Variants in SLC4A5 observed in about 807,000 individuals in gnomAD.
SLC4A5 encodes solute carrier family 4 member 5.
In SLC4A5, 96 loss-of-function variants were observed where a neutral mutation model predicts 120.4. That is an observed-to-expected ratio of 0.80 (90% CI 0.68 to 0.94). SLC4A5 has a LOEUF of 0.94. Among genes scored for constraint, SLC4A5 ranks in the 40% least tolerant of loss-of-function variants. The pLI is 0.00. For missense variants in SLC4A5, 1,259 were observed against 1,459.5 expected (o/e 0.86, Z 2.24); for synonymous variants, 550 against 571.1 (o/e 0.96, Z 0.53).
intron 12 of SLC4A5, among the ~76,000 whole-genome samples, chr2:74,259,302 C>T (rs1671063205): frequency 6.6e-6 from 1 of 152,166 alleles, no homozygotes; most frequent in African/African-American, 2.4e-5. Flanking sequence ...TCTTCTCTCT[C>T]CAACAAATCC....
intron 5 of SLC4A5, among the ~76,000 whole-genome samples, chr2:74,325,650 G>C (rs1230381755): frequency 6.6e-6 from 1 of 152,148 alleles, no homozygotes; most frequent in Non-Finnish European, 1.5e-5. Context: ...TTGAATGTCA[G>C]GTATTTTGCT....
chr2:74,248,340 A>G lies in SLC4A5; in HGVS notation c.1787+13T>C. On this transcript the variant is annotated intron_variant, in intron 18 of 30. Transcript: ENST00000394019. The stretch of plus-strand genomic sequence containing the variant: ...GCGAGAGCAGGCACTGGGGGCCACC[A>G]AGGGACACCTACTTGCTGAAGTCGA... The G allele has an allele frequency of 1.9e-6, 3 of 1,613,620 alleles. No individual in the cohort carries two copies. Among genetic ancestry groups the G allele is most frequent in the Non-Finnish European group, 2.5e-6 (3 of 1,179,776 alleles).
At chr2:74,223,061 G>A (rs759736499) in intron 28 of SLC4A5, 109 bp from the exon 29 acceptor site, 1 of 657,512 alleles carries the variant, frequency 1.5e-6, no homozygotes, top group Non-Finnish European at 2.5e-6. Flanking sequence ...CTGGAGTGCA[G>A]TGGTGCGATC....
intron 8 of SLC4A5, among the ~76,000 whole-genome samples, chr2:74,265,971 TC>T (rs1671289099): frequency 2.0e-5 from 3 of 152,136 alleles, no homozygotes; most frequent in Admixed American, 2.0e-4. Context: ...GACACCTAGC[TC>T]CCCTTTGTAA....
intron 17 of SLC4A5, 94 bp from the exon 18 acceptor site, chr2:74,248,580 CCA>C (rs906514318): frequency 2.2e-5 from 32 of 1,445,798 alleles, no homozygotes; most frequent in Non-Finnish European, 2.8e-5. Flanking sequence ...CGGGCCCAGG[CCA>C]CAGTGTTTAT....
chr2:74,258,641 T>A (rs1453797748), intron 12 of SLC4A5, among the ~76,000 whole-genome samples: 1 of 152,226 alleles, frequency 6.6e-6, no homozygotes, highest in African/African-American at 2.4e-5. Flanking sequence ...GACTTTGGTG[T>A]GTTATTTAAC....
At chr2:74,278,688 T>C (rs912122201) in intron 8 of SLC4A5, among the ~76,000 whole-genome samples, 1 of 152,166 alleles carries the variant, frequency 6.6e-6, no homozygotes, top group Admixed American at 6.5e-5. Context: ...AGTGTTGGAC[T>C]AGCATAGAGA....
chr2:74,275,423 C>A (rs1279792782), intron 8 of SLC4A5, among the ~76,000 whole-genome samples: 1 of 152,212 alleles, frequency 6.6e-6, no homozygotes, highest in Non-Finnish European at 1.5e-5. Flanking sequence ...GTCTGTGTAT[C>A]CAGGAAGTCC....
chr2:74,319,669 TTCTC>T (rs139977580), intron 5 of SLC4A5, among the ~76,000 whole-genome samples: 3 of 151,506 alleles, frequency 2.0e-5, no homozygotes, highest in African/African-American at 7.3e-5. Context: ...CTCTCTCTTT[TTCTC>T]TCTCTCTCTC....
chr2:74,255,019 C>T lies in SLC4A5; in HGVS notation c.1026-313G>A, dbSNP rs1045870069. ...TATTTTCAGTAGATACAGGGTTTCA[C>T]CATGCTGCCCAGGCTGGTCTCCAAC... On this transcript the variant is annotated intron_variant, in intron 13 of 30. Coordinates refer to ENST00000394019, the Ensembl canonical transcript of SLC4A5. This position sits in a 1 kb window ranked among gnomAD's most constrained non-coding sequence, Gnocchi z 4.0. Among the ~76,000 whole-genome samples the T allele has an allele frequency of 6.6e-6, 1 of 152,022 alleles. No homozygotes were observed. The highest frequency in any genetic ancestry group is 2.1e-4 in the South Asian group (1 of 4,822).
chr2:74,270,620 C>CAG (rs1269626518), intron 8 of SLC4A5, among the ~76,000 whole-genome samples: 8 of 152,210 alleles, frequency 5.3e-5, no homozygotes, highest in Non-Finnish European at 7.3e-5. Flanking sequence ...TTGCAGTGAG[C>CAG]AGAGATCATG....
Position 74,286,750 on chromosome 2 carries a change from T to C in SLC4A5, c.272-848A>G, listed in dbSNP as rs541509042. 4.6e-5 allele frequency among the ~76,000 whole-genome samples: 7 copies of C among 152,154 alleles called. No individual in the cohort carries two copies. In the East Asian group the frequency reaches 1.4e-3, roughly 29 times the overall value. ...AGGGGAGCTACAGTAGATAGCATGG[T>C]CACAAAAGGACTCTCTGAGGAGGGG... On this transcript the variant is annotated intron_variant, in intron 7 of 30. Transcript: ENST00000394019.
chr2:74,312,748 C>A (rs1202835222), intron 6 of SLC4A5, among the ~76,000 whole-genome samples: 3 of 152,048 alleles, frequency 2.0e-5, no homozygotes, highest in Non-Finnish European at 2.9e-5. Context: ...GCTTGGCCAA[C>A]ATGGCGAAAT....
chr2:74,330,234 T>C (rs1673320767), intron 4 of SLC4A5, among the ~76,000 whole-genome samples: 1 of 151,270 alleles, frequency 6.6e-6, no homozygotes, highest in Admixed American at 6.6e-5. Flanking sequence ...TGGTGAGGTG[T>C]AGATGGTGAT....
At chr2:74,256,266 C>T (rs1272154372) in intron 12 of SLC4A5, among the ~76,000 whole-genome samples, 2 of 152,180 alleles carry the variant, frequency 1.3e-5, no homozygotes, top group Admixed American at 1.3e-4. Flanking sequence ...GCCTGGATGG[C>T]CTCCTTCAGG....
At chr2:74,321,346 G>A (rs1190365361) in intron 5 of SLC4A5, among the ~76,000 whole-genome samples, 2 of 152,146 alleles carry the variant, frequency 1.3e-5, no homozygotes, top group African/African-American at 4.8e-5. Flanking sequence ...TGAGGAAGGA[G>A]TCCCTTCCTA....
intron 16 of SLC4A5, chr2:74,250,896 G>A (rs987701674): frequency 5.4e-6 from 1 of 185,400 alleles, no homozygotes; most frequent in East Asian, 1.4e-4. Context: ...TCTAACTTTC[G>A]GTGACAGAAG....
rs752300345 is a variant in SLC4A5 at position 74,226,950 on chromosome 2, A to G, written c.3090+7T>C. 1.9e-6 allele frequency: 3 copies of G among 1,612,262 alleles called. No homozygotes were observed. The South Asian group carries it at 3.3e-5, about 18-fold the overall frequency. On this transcript the variant is annotated splice_region_variant and intron_variant, in intron 27 of 30. Coordinates refer to ENST00000394019, the Ensembl canonical transcript of SLC4A5. ...AGGCAGGAGGGGGAAGCCCGTGCCC[A>G]CTTTACCATGACCGGGAAGATGATG...
intron 27 of SLC4A5, among the ~76,000 whole-genome samples, chr2:74,225,626 GC>G (rs1222278560): frequency 6.6e-6 from 1 of 151,976 alleles, no homozygotes; most frequent in Non-Finnish European, 1.5e-5. Context: ...TAAATTAGTG[GC>G]TCTCAAACTT....
Sources: gnomAD v4.1 joint callset for allele counts (sites outside exome capture counted in the v4.1 genomes callset) on GRCh38, gnomAD v4.1.1 for gene constraint, Gnocchi (gnomAD v3.1) non-coding constraint, MANE v1.5 for transcripts, NCBI Gene and HGNC (gene_info 2026-07-23, HGNC 2026-07-21) for gene names.